The following CELSR3 variants were observed in gnomAD, a reference collection of about 807,000 sequenced individuals.
CELSR3 encodes the protein EGF-like protein 1.
CELSR3 carries 73 observed loss-of-function variants against 270.0 expected under a neutral mutation model. The ratio of observed to expected loss-of-function variants is 0.27; its 90% CI spans 0.22 to 0.33. The LOEUF is 0.33. Among genes scored for constraint, CELSR3 ranks in the 10% least tolerant of loss-of-function variants. The pLI is 1.00. For missense variants in CELSR3, 3,614 were observed against 4,533.8 expected, an observed-to-expected ratio of 0.80 and a Z score of 5.83; for synonymous variants, 1,780 against 1,905.4, an observed-to-expected ratio of 0.93 and a Z score of 1.71.
Position 48,651,391 on chromosome 3 carries a change from A to G in CELSR3, c.6154T>C (p.Cys2052Arg). ...TGACACTGCCCATTTGTCTTGTTGC[A>G]GTTGGGATCAAAACCTTTGTGAACA... is the stretch of plus-strand genomic sequence containing the variant. Reference protein sequence around the residue: ...CDVHKGFDPNCNKTNGQCHCK... With the variant: ...CDVHKGFDPNRNKTNGQCHCK... Residue 2052 changes from cysteine (C) to arginine (R), a missense_variant, in exon 14 of 35, where the codon TGC (cysteine) becomes CGC (arginine). Coordinates refer to ENST00000164024, the MANE Select transcript of CELSR3 (RefSeq NM_001407.3). This position sits in a 1 kb window ranked among gnomAD's most constrained non-coding sequence, Gnocchi z 7.4. The G allele has an allele frequency of 6.2e-7, 1 of 1,614,078 alleles. No homozygotes were observed. Among genetic ancestry groups the G allele is most frequent in the Non-Finnish European group, 8.5e-7 (1 of 1,179,956 alleles).
At position 48,651,555 on chromosome 3, in the gene CELSR3, C is replaced by T. The variant is rs1403189391; in HGVS notation, c.6065+22G>A. ...CCCTGTCCCTGCCAGGTCTCCCCAT[C>T]GCCTCAGCCCCAGCCTCTTACCTGT... On this transcript the variant is annotated intron_variant, in intron 13 of 34. Coordinates refer to ENST00000164024, the MANE Select transcript of CELSR3 (RefSeq NM_001407.3). The surrounding 1 kb of genome is among the most constrained non-coding windows in gnomAD (Gnocchi z 7.4). 11 of 1,590,462 alleles carry T rather than the reference C, an allele frequency of 6.9e-6. No homozygotes were observed. The highest frequency in any genetic ancestry group is 2.2e-5 in the East Asian group (1 of 44,570).
chr3:48,645,355 C>A lies in CELSR3; in HGVS notation c.7797+88G>T. 6.3e-7 allele frequency: 1 copy of A among 1,581,500 alleles called. No homozygotes were observed. The highest frequency in any genetic ancestry group is 8.7e-7 in the Non-Finnish European group (1 of 1,154,380). ...AAAACCCTGGCCCCAACCTGAGCAT[C>A]CCTGACCTCTGACCCTGAGTTTTGG... On this transcript the variant is annotated intron_variant, in intron 24 of 34. Transcript: ENST00000164024. The surrounding 1 kb of genome is among the most constrained non-coding windows in gnomAD (Gnocchi z 5.4).
chr3:48,643,108 A>C, intron 28 of CELSR3, 25 bp from the exon 29 acceptor site: 1 of 1,481,146 alleles, frequency 6.8e-7, no homozygotes, highest in South Asian at 1.1e-5. Flanking sequence ...GGGTCAAAGC[A>C]GAGTCGGCAG....
At position 48,652,181 on chromosome 3, in the gene CELSR3, A is replaced by C; in HGVS notation, c.5752-133T>G. 1.1e-6 allele frequency: 1 copy of C among 951,748 alleles called. No individual in the cohort carries two copies. The highest frequency in any genetic ancestry group is 1.8e-5 in the South Asian group (1 of 56,298). 59.0% of individuals were successfully genotyped at this position (951,748 alleles called of 1,614,324 possible). On this transcript the variant is annotated intron_variant, in intron 11 of 34. Coordinates refer to ENST00000164024, the MANE Select transcript of CELSR3 (RefSeq NM_001407.3). This position sits in a 1 kb window ranked among gnomAD's most constrained non-coding sequence, Gnocchi z 4.3. ...ATACCCTCAAAAAACCCAGGCCTCA[A>C]AAATATCCCCAATTTGGTACCCCTG...
chr3:48,655,479 C>T lies in CELSR3; in HGVS notation c.4742-85G>A. On this transcript the variant is annotated intron_variant, in intron 4 of 34. Coordinates refer to ENST00000164024, the MANE Select transcript of CELSR3 (RefSeq NM_001407.3). This position sits in a 1 kb window ranked among gnomAD's most constrained non-coding sequence, Gnocchi z 5.8. The stretch of plus-strand genomic sequence containing the variant: ...CATATAAGCACAACCATTCCCAGGG[C>T]CACCCTGGATGCATCAGATCAGTCC... 5.1e-6 allele frequency: 7 copies of T among 1,369,144 alleles called. No homozygotes were observed. The highest frequency in any genetic ancestry group is 7.3e-6 in the Non-Finnish European group (7 of 964,912). The allele number at this position is 1,369,144 out of a possible 1,614,324, so 84.8% of individuals were successfully genotyped here. A position where few individuals can be genotyped will look rare whatever the true frequency, so the allele number is the denominator to read the frequency against.
Position 48,655,154 on chromosome 3 carries a change from C to T in CELSR3, c.4878G>A (p.Lys1626=), listed in dbSNP as rs1178759990. The T allele has an allele frequency of 1.2e-6, 2 of 1,614,040 alleles. No individual in the cohort carries two copies. Among genetic ancestry groups the T allele is most frequent in the Non-Finnish European group, 1.7e-6 (2 of 1,179,958 alleles). ...AATCATCCACGCTTAGCACAGCCACCTTGTCCTTGGAGGGGCCCTGTGCAC... is the reference window on the plus strand; with the variant it reads ...AATCATCCACGCTTAGCACAGCCACTTTGTCCTTGGAGGGGCCCTGTGCAC... ...LGGAQGPSKD[K]VAVLSVDDCD... is the part of the protein sequence containing the mutation. Residue 1626 remains lysine (K), a synonymous_variant, in exon 6 of 35, where the codon AAG becomes AAA. Transcript: ENST00000164024. The surrounding 1 kb of genome is among the most constrained non-coding windows in gnomAD (Gnocchi z 5.8).
At chr3:48,643,182 G>C in intron 28 of CELSR3, 99 bp from the exon 29 acceptor site, 2 of 799,136 alleles carry the variant, frequency 2.5e-6, no homozygotes, top group South Asian at 3.2e-5. Context: ...CTGTAGGCTA[G>C]TGTGGGTCAG....
intron 27 of CELSR3, 188 bp from the exon 28 acceptor site, chr3:48,643,865 C>G (rs1319960787): frequency 1.5e-5 from 10 of 668,316 alleles, no homozygotes; most frequent in Non-Finnish European, 2.2e-5. Context: ...GGAGAGCAGT[C>G]AAAGAGCCAT....
At chr3:48,656,589 C>T in intron 2 of CELSR3, 109 bp downstream of exon 2, 1 of 1,358,434 alleles carries the variant, frequency 7.4e-7, no homozygotes, top group African/African-American at 1.5e-5. Context: ...TAAGCGCGTC[C>T]ATACCAGGCC....
rs2047008753 is a variant in CELSR3, at chr3:48,640,001, G to A, written c.9584C>T (p.Ser3195Phe). ...CTGCTCCCGAGAGTTCGAGCTCCTAGACAGAGAGTCCAGCGGCCGGGATGG... is the reference window on the plus strand; with the variant it reads ...CTGCTCCCGAGAGTTCGAGCTCCTAAACAGAGAGTCCAGCGGCCGGGATGG... Reference protein sequence around the residue: ...LLPSRPLDSLSRSSNSREQLD... With the variant: ...LLPSRPLDSLFRSSNSREQLD... Residue 3195 changes from serine to phenylalanine, a missense_variant, in exon 34 of 35, where the codon TCT becomes TTT. Coordinates refer to ENST00000164024, the MANE Select transcript of CELSR3 (RefSeq NM_001407.3). This position sits in a 1 kb window ranked among gnomAD's most constrained non-coding sequence, Gnocchi z 7.5. 6.2e-7 allele frequency: 1 copy of A among 1,612,570 alleles called. No individual in the cohort carries two copies. Among genetic ancestry groups the A allele is most frequent in the Non-Finnish European group, 8.5e-7 (1 of 1,179,986 alleles).
In CELSR3 at chr3:48,661,989, G is replaced by T; in HGVS notation, c.646C>A (p.Gln216Lys). The change falls in exon 1 of 35, where the codon CAG becomes AAG. Residue 216 changes from glutamine (Q) to lysine (K), a missense_variant. Physicochemically the swap from Gln to Lys is moderately conservative, Grantham distance 53. Coordinates refer to ENST00000164024, the MANE Select transcript of CELSR3 (RefSeq NM_001407.3). ...CCGGATGTCGTGGCTCTCTCGCCCT[G>T]ACCCTTGCTCCCTGTTGCCCATAAT... ...GELWATGSKG[Q>K]GERATTSGAE... is the part of the protein sequence containing the mutation. 6.2e-7 allele frequency: 1 copy of T among 1,614,020 alleles called. No individual in the cohort carries two copies. The highest frequency in any genetic ancestry group is 8.5e-7 in the Non-Finnish European group (1 of 1,180,042).
In CELSR3 at chr3:48,662,688, G is replaced by A; in HGVS notation, c.-54C>T. 1.2e-6 allele frequency: 1 copy of A among 866,980 alleles called. No individual in the cohort carries two copies. Among genetic ancestry groups the A allele is most frequent in the Non-Finnish European group, 1.6e-6 (1 of 645,032 alleles). 53.7% of individuals were successfully genotyped at this position (866,980 alleles called of 1,614,324 possible). A position where few individuals can be genotyped will look rare whatever the true frequency, so the allele number is the denominator to read the frequency against. ...CCCCCCGCCCCGGTCCGGGCCTTGGGCTGGCCCCGCCGCTCGGGCCCCCTC... is the reference window on the plus strand; with the variant it reads ...CCCCCCGCCCCGGTCCGGGCCTTGGACTGGCCCCGCCGCTCGGGCCCCCTC... On this transcript the variant is annotated 5_prime_UTR_variant, in exon 1 of 35. Transcript: ENST00000164024. This position sits in a 1 kb window ranked among gnomAD's most constrained non-coding sequence, Gnocchi z 7.1.
Position 48,661,013 on chromosome 3 carries a change from T to C in CELSR3, c.1622A>G (p.Asn541Ser), listed in dbSNP as rs2077062727. 4 of 1,613,898 alleles carry C rather than the reference T, an allele frequency of 2.5e-6. No individual in the cohort carries two copies. The highest frequency in any genetic ancestry group is 3.4e-6 in the Non-Finnish European group (4 of 1,180,038). ...GCGCTTCTCGCTGAACTGAGGAGCA[T>C]TGTCGTTCTCGTCTAGCACAGTTAT... ...VHITVLDEND[N>S]APQFSEKRYV... The change falls in exon 1 of 35, where the codon AAT becomes AGT. Residue 541 changes from asparagine to serine, a missense_variant. Asn to Ser is a conservative substitution (Grantham distance 46). Coordinates refer to ENST00000164024, the MANE Select transcript of CELSR3 (RefSeq NM_001407.3).
chr3:48,642,490 AC>A lies in CELSR3; in HGVS notation c.8556-24del. Reference sequence around the variant, plus strand: ...TCCCTGGAAAAGCAGGAGCCCCCCCACCATGAAAGAGGGATGTGATGGGGTG... The same window carrying A: ...TCCCTGGAAAAGCAGGAGCCCCCCCACATGAAAGAGGGATGTGATGGGGTG... On this transcript the variant is annotated intron_variant, in intron 30 of 34. Coordinates refer to ENST00000164024, the MANE Select transcript of CELSR3 (RefSeq NM_001407.3). This position sits in a 1 kb window ranked among gnomAD's most constrained non-coding sequence, Gnocchi z 6.1. 2 of 1,605,456 alleles carry A rather than the reference AC, an allele frequency of 1.2e-6. No individual in the cohort carries two copies. The highest frequency in any genetic ancestry group is 1.7e-6 in the Non-Finnish European group (2 of 1,175,876).
In CELSR3 at chr3:48,650,136, A is replaced by C; in HGVS notation, c.6472+344T>G. On this transcript the variant is annotated intron_variant, in intron 16 of 34. Transcript: ENST00000164024. The surrounding 1 kb of genome is among the most constrained non-coding windows in gnomAD (Gnocchi z 5.1). Reference sequence around the variant, plus strand: ...GGCATCAGAGAAGGGCCCCTGGGGTACTCAGATAGCCAGAAGGGGCCTGCA... The same window carrying C: ...GGCATCAGAGAAGGGCCCCTGGGGTCCTCAGATAGCCAGAAGGGGCCTGCA... The C allele has an allele frequency of 2.2e-6, 1 of 464,690 alleles. No individual in the cohort carries two copies. 28.8% of individuals were successfully genotyped at this position (464,690 alleles called of 1,614,324 possible).
chr3:48,660,592 C>T lies in CELSR3; in HGVS notation c.2043G>A (p.Gly681=). 1 of 1,614,188 alleles carries T rather than the reference C, an allele frequency of 6.2e-7. No individual in the cohort carries two copies. The highest frequency in any genetic ancestry group is 2.2e-5 in the East Asian group (1 of 44,888). The part of the protein sequence containing the change: ...IHIQAVDADH[G]ENARLEYSLT... ...GGGAGTACTCCAATCTGGCATTCTC[C>T]CCATGGTCTGCATCGACTGCCTGAA... The change falls in exon 1 of 35, where the codon GGG becomes GGA. Residue 681 remains glycine (G), a synonymous_variant. Transcript: ENST00000164024. This position sits in a 1 kb window ranked among gnomAD's most constrained non-coding sequence, Gnocchi z 5.5.
Position 48,643,305 on chromosome 3 carries a change from G to C in CELSR3, c.8290-222C>G, listed in dbSNP as rs760709203. On this transcript the variant is annotated intron_variant, in intron 28 of 34. Coordinates refer to ENST00000164024, the MANE Select transcript of CELSR3 (RefSeq NM_001407.3). ...GGTCGGTGTGGATCAGCAAGGGGTCGGGAGCCTTGGTGTTGGTGAAGGTCG... is the reference window on the plus strand; with the variant it reads ...GGTCGGTGTGGATCAGCAAGGGGTCCGGAGCCTTGGTGTTGGTGAAGGTCG... The C allele has an allele frequency of 1.9e-5, 12 of 631,388 alleles. No individual in the cohort carries two copies. The Admixed American group carries it at 2.4e-4, about 12-fold the overall frequency. The allele number at this position is 631,388 out of a possible 1,614,324, so 39.1% of individuals were successfully genotyped here. A position where few individuals can be genotyped will look rare whatever the true frequency, so the allele number is the denominator to read the frequency against.
Position 48,660,443 on chromosome 3 carries a change from T to C in CELSR3, c.2192A>G (p.His731Arg), listed in dbSNP as rs780607616. The C allele has an allele frequency of 2.5e-6, 4 of 1,614,042 alleles. No individual in the cohort carries two copies. Among genetic ancestry groups the C allele is most frequent in the Non-Finnish European group, 1.7e-6 (2 of 1,180,032 alleles). Residue 731 changes from histidine to arginine, a missense_variant, in exon 1 of 35, where the codon CAT becomes CGT. Around this residue, in one of 7 missense-constraint regions of CELSR3, gnomAD observed 215 missense variants for 241.2 expected, o/e 0.89. Coordinates refer to ENST00000164024, the MANE Select transcript of CELSR3 (RefSeq NM_001407.3). This position sits in a 1 kb window ranked among gnomAD's most constrained non-coding sequence, Gnocchi z 5.5. ...TGAGGCAGAGAGTGGGGGTGAGCCA[T>C]GGTCTCGAGCCTCCACACCAAAGAA... The part of the protein sequence containing the change: ...HYFFGVEARD[H>R]GSPPLSASAS...
In CELSR3 at chr3:48,653,834, A is replaced by G. The variant is rs1214737564; in HGVS notation, c.5278+44T>C. On this transcript the variant is annotated intron_variant, in intron 8 of 34. Coordinates refer to ENST00000164024, the MANE Select transcript of CELSR3 (RefSeq NM_001407.3). The surrounding 1 kb of genome is among the most constrained non-coding windows in gnomAD (Gnocchi z 6.5). Reference sequence around the variant, plus strand: ...GGGTTACAGCCCCTGCCCCAGGAACAGATCTGACCCTGCAGGCCCCTCTGC... The same window carrying G: ...GGGTTACAGCCCCTGCCCCAGGAACGGATCTGACCCTGCAGGCCCCTCTGC... 3.1e-6 allele frequency: 5 copies of G among 1,611,768 alleles called. No homozygotes were observed. Among genetic ancestry groups the G allele is most frequent in the Middle Eastern group, 1.7e-4 (1 of 6,054 alleles).
Sources: allele counts gnomAD v4.1 joint callset, GRCh38; gene constraint gnomAD v4.1.1; regional missense constraint gnomAD v4.1.1; non-coding constraint Gnocchi (gnomAD v3.1); transcripts MANE v1.5; gene names NCBI Gene and HGNC (gene_info 2026-07-23, HGNC 2026-07-21).